GPD2: variants seen among roughly 807,000 people sequenced by gnomAD.
The protein encoded by GPD2 is glycerol-3-phosphate dehydrogenase 2.
A neutral mutation model predicts 82.4 loss-of-function variants in GPD2; 54 were observed. The observed-to-expected ratio is 0.66, with a 90% CI of 0.53 to 0.82. The LOEUF (loss-of-function observed/expected upper bound fraction) is 0.82. GPD2 is among the 40% of genes least tolerant of loss of function. GPD2 has a pLI of 0.00. For synonymous variants in GPD2, 288 were observed against 306.1 expected (o/e 0.94, Z 0.62); for missense variants, 748 against 896.2 (o/e 0.83, Z 2.11).
chr2:156,537,346 T>G (rs1686121309), intron 6 of GPD2, among the ~76,000 whole-genome samples: 1 of 152,166 alleles, frequency 6.6e-6, no homozygotes, highest in Non-Finnish European at 1.5e-5. Context: ...AGAATCTTTC[T>G]TTGACAATAA....
the GPD2 span, among the ~76,000 whole-genome samples, chr2:156,400,787 T>G: frequency 6.6e-6 from 1 of 152,182 alleles, no homozygotes; most frequent in Non-Finnish European, 1.5e-5. Flanking sequence ...AGCTCAGTGG[T>G]AGAGCGCGCG....
chr2:156,440,486 A>ATGTT (rs1165562679), intron 1 of GPD2, among the ~76,000 whole-genome samples: 2 of 152,112 alleles, frequency 1.3e-5, no homozygotes, highest in African/African-American at 4.8e-5. Context: ...GAATGTGACC[A>ATGTT]TGTTTGTTTG....
chr2:156,503,162 T>G (rs1684654845), intron 3 of GPD2, among the ~76,000 whole-genome samples: 1 of 152,134 alleles, frequency 6.6e-6, no homozygotes, highest in Non-Finnish European at 1.5e-5. Context: ...CAGAGAGTGG[T>G]CAAGAGAAGC....
At chr2:156,579,875 A>G in intron 16 of GPD2, 87 bp downstream of exon 16, 1 of 745,146 alleles carries the variant, frequency 1.3e-6, no homozygotes, top group Non-Finnish European at 2.5e-6. Context: ...ATGGATATTT[A>G]AGTCCACACA....
chr2:156,513,499 A>G lies in GPD2; in HGVS notation c.661+3A>G. 1 of 1,584,232 alleles carries G rather than the reference A, an allele frequency of 6.3e-7. No homozygotes were observed. The highest frequency in any genetic ancestry group is 8.7e-7 in the Non-Finnish European group (1 of 1,154,318). On this transcript the variant is annotated splice_donor_region_variant and intron_variant, in intron 6 of 16. Coordinates refer to ENST00000438166, the MANE Select transcript of GPD2 (RefSeq NM_000408.5). Reference sequence around the variant, plus strand: ...AGGAGCAATTGTCTACTATGACGGTATGTGATGTTTTTTTTTTTTTTCCTC... The same window carrying G: ...AGGAGCAATTGTCTACTATGACGGTGTGTGATGTTTTTTTTTTTTTTCCTC...
chr2:156,468,238 T>C (rs1683211673), intron 1 of GPD2, among the ~76,000 whole-genome samples: 1 of 152,226 alleles, frequency 6.6e-6, no homozygotes, highest in Admixed American at 6.5e-5. Context: ...GCTTTTGAGC[T>C]CACTCCTTCT....
chr2:156,444,642 G>A (rs975961529), intron 1 of GPD2, among the ~76,000 whole-genome samples: 11 of 152,164 alleles, frequency 7.2e-5, no homozygotes, highest in Non-Finnish European at 1.5e-4. Context: ...GAAGCTGGGA[G>A]GTGGAGGTTG....
At chr2:156,429,085 A>G in the GPD2 span, among the ~76,000 whole-genome samples, 1 of 152,078 alleles carries the variant, frequency 6.6e-6, no homozygotes, top group African/African-American at 2.4e-5. Context: ...AAATTCATTC[A>G]TTTTCTTTTT....
Position 156,529,656 on chromosome 2 carries a change from T to C in GPD2, c.661+16160T>C, listed in dbSNP as rs1266837314. Among the ~76,000 whole-genome samples, 48 of 151,744 alleles carry C rather than the reference T, an allele frequency of 3.2e-4. 1 individual carries two copies. Among genetic ancestry groups the C allele is most frequent in the Non-Finnish European group, 2.9e-5 (2 of 67,892 alleles). ...GGATCCAGTTTCAGCTTTCTACATA[T>C]GGCTAGCCAGTTTTCCCAGCACCAT... On this transcript the variant is annotated intron_variant, in intron 6 of 16. Transcript: ENST00000438166.
At chr2:156,576,324 A>G (rs985984324) in intron 13 of GPD2, among the ~76,000 whole-genome samples, 2 of 152,196 alleles carry the variant, frequency 1.3e-5, no homozygotes, top group African/African-American at 4.8e-5. Context: ...GTATTGTATG[A>G]CAAACCGGTT....
intron 1 of GPD2, among the ~76,000 whole-genome samples, chr2:156,451,477 C>A (rs1312514365): frequency 7.5e-5 from 3 of 39,782 alleles, no homozygotes; most frequent in African/African-American, 2.6e-4. Context: ...GGCTGACCCC[C>A]CCACCTCCCT....
chr2:156,509,250 C>G (rs1165942647), intron 3 of GPD2, among the ~76,000 whole-genome samples: 1 of 152,156 alleles, frequency 6.6e-6, no homozygotes, highest in African/African-American at 2.4e-5. Context: ...CTCTACTTTT[C>G]TCTCCACAGC....
chr2:156,552,213 A>G (rs1364113991), intron 8 of GPD2, among the ~76,000 whole-genome samples: 1 of 152,226 alleles, frequency 6.6e-6, no homozygotes, highest in African/African-American at 2.4e-5. Flanking sequence ...AATAGTCTTT[A>G]GGATTTTTAC....
intron 6 of GPD2, among the ~76,000 whole-genome samples, chr2:156,522,457 T>G (rs1223334398): frequency 6.6e-6 from 1 of 152,208 alleles, no homozygotes; most frequent in Non-Finnish European, 1.5e-5. Context: ...TCCCATTCTG[T>G]GGTTCAGTTG....
chr2:156,489,341 A>C (rs2105227085), intron 2 of GPD2, among the ~76,000 whole-genome samples: 1 of 152,348 alleles, frequency 6.6e-6, no homozygotes, highest in East Asian at 1.9e-4. Flanking sequence ...CAGAGAAAAC[A>C]TTCTAGTGCG....
At chr2:156,424,373 G>A in the GPD2 span, among the ~76,000 whole-genome samples, 5 of 152,128 alleles carry the variant, frequency 3.3e-5, no homozygotes, top group Admixed American at 6.5e-5. Flanking sequence ...TCAGGATAAT[G>A]TTTAGTGTTC....
chr2:156,416,876 T>C, the GPD2 span, among the ~76,000 whole-genome samples: 1 of 152,182 alleles, frequency 6.6e-6, no homozygotes, highest in African/African-American at 2.4e-5. Context: ...TTAGAAAATA[T>C]TGGTGAGGAA....
chr2:156,415,030 T>C, the GPD2 span, among the ~76,000 whole-genome samples: 1 of 152,130 alleles, frequency 6.6e-6, no homozygotes, highest in Non-Finnish European at 1.5e-5. Flanking sequence ...AATTCTTTAG[T>C]GGTGATTTCT....
chr2:156,463,020 T>C (rs909406462), intron 1 of GPD2, among the ~76,000 whole-genome samples: 1 of 152,170 alleles, frequency 6.6e-6, no homozygotes, highest in Non-Finnish European at 1.5e-5. Context: ...ATCAGCCTGA[T>C]AGTTTGGAAG....
Sources: allele counts gnomAD v4.1 joint callset (sites outside exome capture counted in the v4.1 genomes callset), GRCh38; gene constraint gnomAD v4.1.1; transcripts MANE v1.5; gene names NCBI Gene and HGNC (gene_info 2026-07-23, HGNC 2026-07-21).